SPTA1: variants seen among roughly 807,000 people sequenced by gnomAD.
The protein encoded by SPTA1 is spectrin alpha chain, erythrocytic 1.
In SPTA1, 177 loss-of-function variants were observed where a neutral mutation model predicts 324.7. The observed-to-expected ratio is 0.55, with a 90% CI of 0.48 to 0.62. SPTA1 has a LOEUF of 0.62. Among genes scored for constraint, SPTA1 ranks in the 20% least tolerant of loss-of-function variants. The pLI, the probability that SPTA1 is intolerant of heterozygous loss-of-function variation, is 0.00. For missense variants in SPTA1, 3,162 were observed against 2,883.6 expected (o/e 1.10, Z -2.21); for synonymous variants, 1,195 against 1,041.3 (o/e 1.15, Z -2.84).
rs1280353382 is a variant in SPTA1 at position 158,626,927 on chromosome 1, C to T, written c.5745G>A (p.Lys1915=). 9 of 1,613,852 alleles carry T rather than the reference C, an allele frequency of 5.6e-6. No individual in the cohort carries two copies. Among genetic ancestry groups the T allele is most frequent in the Non-Finnish European group, 7.6e-6 (9 of 1,179,884 alleles). Residue 1915 remains lysine, a synonymous_variant, in exon 41 of 52, where the codon AAG becomes AAA. Coordinates refer to ENST00000643759, the MANE Select transcript of SPTA1 (RefSeq NM_003126.4). The part of the protein sequence containing the change: ...ALNEKTPSLA[K]AIAAWKLQLE... ...ATTGCAACTTCCAAGCAGCTATTGC[C>T]TTAGCCAGAGAAGGGGTCTTTTCAT...
Position 158,661,331 on chromosome 1 carries a change from C to T in SPTA1, c.2543G>A (p.Arg848His), listed in dbSNP as rs550425124. The change falls in exon 18 of 52, where the codon CGC becomes CAC. Residue 848 changes from arginine (R) to histidine (H), a missense_variant. Transcript: ENST00000643759. ...TCCCCTTTCTGTTATCTCTTGAATG[C>T]GTGGTTCATGGCTGGCAATGTTCTC... ...ILENIASHEP[R>H]IQEITERGNK... is the part of the protein sequence containing the mutation. 21 of 1,613,880 alleles carry T rather than the reference C, an allele frequency of 1.3e-5. No homozygotes were observed. Among genetic ancestry groups the T allele is most frequent in the Middle Eastern group, 1.7e-4 (1 of 6,060 alleles).
At chr1:158,622,838 C>T in intron 43 of SPTA1, 145 bp downstream of exon 43, 1 of 793,296 alleles carries the variant, frequency 1.3e-6, no homozygotes, top group East Asian at 2.5e-5. Flanking sequence ...CTACTTTTTG[C>T]TCAGTAAGAA....
rs1196493511 is a variant in SPTA1, at chr1:158,644,335, C to T, written c.4256G>A (p.Arg1419Lys). ...SWMVARENSLRSDDKSSLDSL... is the reference protein window; with the variant it reads ...SWMVARENSLKSDDKSSLDSL... ...GTCTAAGGAACTTTTGTCATCTGAC[C>T]TCAGGGAATTCTCACGTGCCACCAT... The change falls in exon 30 of 52, where the codon AGG (arginine) becomes AAG (lysine). Residue 1419 changes from arginine to lysine, a missense_variant. Physicochemically the swap from Arg to Lys is conservative, Grantham distance 26 (BLOSUM62 2). Coordinates refer to ENST00000643759, the MANE Select transcript of SPTA1 (RefSeq NM_003126.4). The T allele has an allele frequency of 6.2e-7, 1 of 1,613,734 alleles. No individual in the cohort carries two copies. Among genetic ancestry groups the T allele is most frequent in the Non-Finnish European group, 8.5e-7 (1 of 1,179,892 alleles).
chr1:158,646,815 T>A (rs916635895), intron 27 of SPTA1, among the ~76,000 whole-genome samples: 32 of 152,200 alleles, frequency 2.1e-4, no homozygotes, highest in African/African-American at 7.7e-4. Flanking sequence ...TACAACTTCC[T>A]GGACCCTCTA....
intron 6 of SPTA1, 143 bp from the exon 7 acceptor site, chr1:158,677,977 T>C (rs902728602): frequency 4.8e-6 from 5 of 1,033,414 alleles, no homozygotes; most frequent in Non-Finnish European, 7.1e-6. Flanking sequence ...AAAAGTAATA[T>C]AAAATGTTCT....
At chr1:158,621,080 T>C (rs1192368885) in intron 43 of SPTA1, among the ~76,000 whole-genome samples, 1 of 152,182 alleles carries the variant, frequency 6.6e-6, no homozygotes, top group African/African-American at 2.4e-5. Context: ...TTCTACCCTC[T>C]AACCTGTATC....
At chr1:158,626,494 A>G (rs1048862942) in intron 41 of SPTA1, among the ~76,000 whole-genome samples, 5 of 152,190 alleles carry the variant, frequency 3.3e-5, no homozygotes, top group African/African-American at 1.2e-4. Flanking sequence ...TTGTAAGTAA[A>G]TCTAACAAAC....
At chr1:158,681,845 C>G (rs1449414127) in intron 3 of SPTA1, among the ~76,000 whole-genome samples, 178 bp from the exon 4 acceptor site, 1 of 152,096 alleles carries the variant, frequency 6.6e-6, no homozygotes, top group African/African-American at 2.4e-5. Flanking sequence ...GCTAACAAGC[C>G]AAGCCAAATG....
chr1:158,659,826 G>A (rs1253300985), intron 18 of SPTA1, among the ~76,000 whole-genome samples: 1 of 117,786 alleles, frequency 8.5e-6, no homozygotes, highest in Non-Finnish European at 1.6e-5. Context: ...TAGCCAGGAT[G>A]GTCTCGATCT....
rs74539310 is a variant in SPTA1 at position 158,640,284 on chromosome 1, A to T, written c.4738-277T>A. 5.0e-3 allele frequency among the ~76,000 whole-genome samples: 745 copies of T among 149,640 alleles called. 6 individuals carry two copies. Among genetic ancestry groups the T allele is most frequent in the African/African-American group, 0.017 (693 of 40,706 alleles). Reference sequence around the variant, plus strand: ...GCAGAAGGGATAGAAAATGTAAAACAAGCATGATAAGAGTTTGGAATTAAG... The same window carrying T: ...GCAGAAGGGATAGAAAATGTAAAACTAGCATGATAAGAGTTTGGAATTAAG... On this transcript the variant is annotated intron_variant, in intron 33 of 51. Transcript: ENST00000643759.
At chr1:158,645,144 AAC>A (rs757475192) in intron 29 of SPTA1, 42 bp downstream of exon 29, 1 of 1,606,044 alleles carries the variant, frequency 6.2e-7, no homozygotes, top group Non-Finnish European at 8.5e-7. Flanking sequence ...GCATAGGAGA[AAC>A]AGACTACTGA....
chr1:158,620,614 T>G (rs1649846960), intron 43 of SPTA1, 148 bp from the exon 44 acceptor site: 4 of 910,210 alleles, frequency 4.4e-6, no homozygotes, highest in Non-Finnish European at 6.6e-6. Flanking sequence ...AGGGACTGTG[T>G]ACTTTGATGG....
intron 34 of SPTA1, 75 bp from the exon 35 acceptor site, chr1:158,639,761 C>A: frequency 6.2e-7 from 1 of 1,608,668 alleles, no homozygotes; most frequent in Non-Finnish European, 8.5e-7. Flanking sequence ...GCAGCTATGT[C>A]CCCAAACTTT....
At chr1:158,684,454 C>A (rs1655029205) in intron 2 of SPTA1, among the ~76,000 whole-genome samples, 1 of 152,040 alleles carries the variant, frequency 6.6e-6, no homozygotes, top group African/African-American at 2.4e-5. Flanking sequence ...CTTGAATTTG[C>A]AGTTGCTGTT....
intron 14 of SPTA1, among the ~76,000 whole-genome samples, chr1:158,668,461 C>T (rs1221936604): frequency 1.3e-5 from 2 of 152,084 alleles, no homozygotes; most frequent in Non-Finnish European, 2.9e-5. Flanking sequence ...CATAACTCAT[C>T]TAGTGAATGC....
chr1:158,666,625 C>T, intron 15 of SPTA1, 128 bp from the exon 16 acceptor site: 2 of 806,834 alleles, frequency 2.5e-6, no homozygotes, highest in Non-Finnish European at 4.0e-6. Flanking sequence ...ATATAACTGT[C>T]TCACATGTCT....
At position 158,636,696 on chromosome 1, in the gene SPTA1, A is replaced by C; in HGVS notation, c.5255T>G (p.Leu1752Arg). The change falls in exon 37 of 52, where the codon CTG (leucine) becomes CGG (arginine). Residue 1752 changes from leucine to arginine, a missense_variant. By Grantham distance (102) the Leu-to-Arg change is moderately radical. Transcript: ENST00000643759. ...CCCCTCTAGGCGTTTGTGCTTCTTC[A>C]GCAAGTTCTGAACCCCCTGAAGATC... ...GRDLQGVQNLLKKHKRLEGEL... is the reference protein window; with the variant it reads ...GRDLQGVQNLRKKHKRLEGEL... The C allele has an allele frequency of 1.9e-6, 3 of 1,614,140 alleles. No individual in the cohort carries two copies. The highest frequency in any genetic ancestry group is 2.5e-6 in the Non-Finnish European group (3 of 1,180,022).
intron 2 of SPTA1, among the ~76,000 whole-genome samples, chr1:158,683,844 T>A (rs868798251): frequency 1.7e-4 from 25 of 150,868 alleles, no homozygotes; most frequent in East Asian, 7.8e-4. Flanking sequence ...TAATGGTTTT[T>A]AAAAAAAAAA....
Position 158,654,600 on chromosome 1 carries a change from G to A in SPTA1, c.3036+11C>T. ...CCACTTTTTGATGGAAAGATTAGAA[G>A]GAAAAGTCACCTTATTGATGGAACT... On this transcript the variant is annotated intron_variant, in intron 21 of 51. Coordinates refer to ENST00000643759, the MANE Select transcript of SPTA1 (RefSeq NM_003126.4). The A allele has an allele frequency of 6.2e-7, 1 of 1,613,722 alleles. No individual in the cohort carries two copies.
Sources: gnomAD v4.1 joint callset for allele counts (sites outside exome capture counted in the v4.1 genomes callset) on GRCh38, gnomAD v4.1.1 for gene constraint, MANE v1.5 for transcripts, NCBI Gene and HGNC (gene_info 2026-07-23, HGNC 2026-07-21) for gene names.